Variants in ARHGEF10 observed in about 807,000 individuals in gnomAD.
The protein encoded by ARHGEF10 is Rho guanine nucleotide exchange factor 10.
In ARHGEF10, 140 loss-of-function variants were observed where a neutral mutation model predicts 147.4. The ratio of observed to expected loss-of-function variants is 0.95; its 90% CI spans 0.83 to 1.09. ARHGEF10 has a LOEUF of 1.09. Among genes scored for constraint, ARHGEF10 ranks in the 50% least tolerant of loss-of-function variants. The pLI is 0.00. For synonymous variants in ARHGEF10, 902 were observed against 695.8 expected, an observed-to-expected ratio of 1.30 and a Z score of -4.67; for missense variants, 2,222 against 1,752.7, an observed-to-expected ratio of 1.27 and a Z score of -4.78.
intron 11 of ARHGEF10, among the ~76,000 whole-genome samples, chr8:1,890,008 A>G (rs1469087328): frequency 1.4e-5 from 2 of 142,484 alleles, no homozygotes; most frequent in East Asian, 2.1e-4. Context: ...CTGTGAGGAG[A>G]CACTGAGTGC....
rs918194744 is a variant in ARHGEF10, at chr8:1,952,640, C to T, written c.3398-65C>T. 57 of 1,602,256 alleles carry T rather than the reference C, an allele frequency of 3.6e-5. No individual in the cohort carries two copies. In the Admixed American group the frequency reaches 3.8e-4, roughly 11 times the overall value. On this transcript the variant is annotated intron_variant, in intron 27 of 28. Transcript: ENST00000349830. Reference sequence around the variant, plus strand: ...CAGGCCTGTGGGGTTTCCAGCACCCCGTCACCGCCCCACCAACTCTGCTAC... The same window carrying T: ...CAGGCCTGTGGGGTTTCCAGCACCCTGTCACCGCCCCACCAACTCTGCTAC...
chr8:1,823,386 G>C (rs1802513671), upstream of ARHGEF10, among the ~76,000 whole-genome samples: 1 of 148,770 alleles, frequency 6.7e-6, no homozygotes, highest in Admixed American at 6.6e-5. Context: ...GGGTCGGGTG[G>C]GGTCCCGACG....
At chr8:1,922,524 C>T (rs1812372554) in intron 18 of ARHGEF10, among the ~76,000 whole-genome samples, 1 of 152,176 alleles carries the variant, frequency 6.6e-6, no homozygotes, top group South Asian at 2.1e-4. Flanking sequence ...GAAACTCCCC[C>T]AGACTGGAGG....
At chr8:1,876,185 T>C (rs1015271794) in intron 7 of ARHGEF10, 4 of 291,464 alleles carry the variant, frequency 1.4e-5, no homozygotes, top group African/African-American at 8.8e-5. Context: ...GTCCACCATT[T>C]CTCTCTGTCT....
At chr8:1,946,638 C>T (rs1814617750) in intron 27 of ARHGEF10, among the ~76,000 whole-genome samples, 1 of 152,220 alleles carries the variant, frequency 6.6e-6, no homozygotes, top group Non-Finnish European at 1.5e-5. Context: ...CTCCTCGCAC[C>T]ATCCCACTGC....
intron 4 of ARHGEF10, among the ~76,000 whole-genome samples, chr8:1,862,775 CTTTTTTTTTTTTT>C (rs10594929): frequency 8.3e-6 from 1 of 120,508 alleles, no homozygotes; most frequent in African/African-American, 3.4e-5. Context: ...TTTTCTTCTT[CTTTTTTTTTTTTT>C]TTTTTTTTGA....
chr8:1,847,576 T>G (rs1678514078), intron 2 of ARHGEF10, among the ~76,000 whole-genome samples: 1 of 151,870 alleles, frequency 6.6e-6, no homozygotes, highest in African/African-American at 2.4e-5. Flanking sequence ...GCATCGTCTC[T>G]GGGGGCAGCT....
chr8:1,919,581 G>A (rs1241773569), intron 18 of ARHGEF10, among the ~76,000 whole-genome samples: 1 of 148,588 alleles, frequency 6.7e-6, no homozygotes, highest in South Asian at 2.1e-4. Context: ...CTGTTCTGTG[G>A]ATGATGGAGC....
rs1234601520 is a variant in ARHGEF10 at position 1,948,605 on chromosome 8, G to C, written c.3397+2950G>C. 1.3e-5 allele frequency among the ~76,000 whole-genome samples: 2 copies of C among 152,106 alleles called. No homozygotes were observed. Among genetic ancestry groups the C allele is most frequent in the Non-Finnish European group, 2.9e-5 (2 of 68,026 alleles). ...TTTTGTTTGTGATGCTTCTGACAGT[G>C]ATTCTCTGTAAGATCCTCAGTGCGG... On this transcript the variant is annotated intron_variant, in intron 27 of 28. Transcript: ENST00000349830. This position sits in a 1 kb window ranked among gnomAD's most constrained non-coding sequence, Gnocchi z 4.9.
At chr8:1,828,487 A>G (rs58101207) in intron 1 of ARHGEF10, among the ~76,000 whole-genome samples, 1 of 140,764 alleles carries the variant, frequency 7.1e-6, no homozygotes, top group African/African-American at 2.7e-5. Flanking sequence ...AAACCGTGGC[A>G]TGCACACTTA....
intron 1 of ARHGEF10, among the ~76,000 whole-genome samples, chr8:1,835,322 A>G (rs1449919279): frequency 2.6e-5 from 4 of 152,184 alleles, no homozygotes; most frequent in Non-Finnish European, 5.9e-5. Context: ...CTCTGAAACC[A>G]CGCGGCAGCC....
intron 28 of ARHGEF10, 130 bp from the exon 29 acceptor site, chr8:1,956,619 G>A: frequency 1.1e-6 from 1 of 897,844 alleles, no homozygotes; most frequent in Non-Finnish European, 1.8e-6. Context: ...ATTCATGTAT[G>A]CAAGTTACTT....
At chr8:1,920,016 A>ATGATGGAGCTGTTCTATGGG (rs1563286291) in intron 18 of ARHGEF10, among the ~76,000 whole-genome samples, 1 of 47,894 alleles carries the variant, frequency 2.1e-5, no homozygotes, top group African/African-American at 8.5e-5. Context: ...TGTTCTGTGG[A>ATGATGGAGCTGTTCTATGGG]TGATGGAGCT....
chr8:1,922,632 C>T (rs1262129820), intron 18 of ARHGEF10, among the ~76,000 whole-genome samples: 4 of 152,110 alleles, frequency 2.6e-5, no homozygotes, highest in South Asian at 2.1e-4. Flanking sequence ...GGTTTGAAGA[C>T]GGTCTGTAGG....
chr8:1,844,465 T>TCACCGGGGCCTGGTGGACGACAGAGACGG (rs1329433075), intron 2 of ARHGEF10, among the ~76,000 whole-genome samples: 5 of 151,354 alleles, frequency 3.3e-5, no homozygotes, highest in East Asian at 1.9e-4. Flanking sequence ...AATCCAGGGG[T>TCACCGGGGCCTGGTGGACGACAGAGACGG]GAGCAGTGGC....
At chr8:1,876,488 A>G in intron 7 of ARHGEF10, 83 bp from the exon 8 acceptor site, 3 of 1,396,026 alleles carry the variant, frequency 2.1e-6, no homozygotes, top group South Asian at 1.2e-5. Context: ...GCTCTAGATG[A>G]TTTGGTAAAA....
chr8:1,933,863 T>A lies in ARHGEF10; in HGVS notation c.3143T>A (p.Leu1048Gln). 6.2e-7 allele frequency: 1 copy of A among 1,614,238 alleles called. No individual in the cohort carries two copies. Residue 1048 changes from leucine to glutamine, a missense_variant, in exon 26 of 29, where the codon CTA becomes CAA. Leu to Gln is a moderately radical substitution (Grantham distance 113, BLOSUM62 -2). Coordinates refer to ENST00000349830, the MANE Select transcript of ARHGEF10 (RefSeq NM_014629.4). ...TTAGGCGTCCTACCAGTTAGAAGTC[T>A]ACTCATGATGGAAGACACGTTGTGG... is the stretch of plus-strand genomic sequence containing the variant. ...IKLGVLPVRS[L>Q]LMMEDTLWAA...
chr8:1,895,060 C>G (rs1563249119), intron 13 of ARHGEF10, among the ~76,000 whole-genome samples: 2 of 152,148 alleles, frequency 1.3e-5, no homozygotes, highest in Admixed American at 1.3e-4. Context: ...AACTTTTGCC[C>G]TTGGCTGTAG....
At chr8:1,911,624 T>C (rs1585506694) in intron 18 of ARHGEF10, among the ~76,000 whole-genome samples, 1 of 152,324 alleles carries the variant, frequency 6.6e-6, no homozygotes, top group East Asian at 1.9e-4. Context: ...GCAGGGCTTC[T>C]ATCCCGACAC....
Sources: gnomAD v4.1 joint callset for allele counts (sites outside exome capture counted in the v4.1 genomes callset) on GRCh38, gnomAD v4.1.1 for gene constraint, Gnocchi (gnomAD v3.1) non-coding constraint, MANE v1.5 for transcripts, NCBI Gene and HGNC (gene_info 2026-07-23, HGNC 2026-07-21) for gene names.